Variants in RGS12 observed in about 807,000 individuals in gnomAD.
RGS12 encodes regulator of G protein signaling 12.
A neutral mutation model predicts 120.1 loss-of-function variants in RGS12; 66 were observed. The ratio of observed to expected loss-of-function variants is 0.55; its 90% CI spans 0.45 to 0.67. The LOEUF (loss-of-function observed/expected upper bound fraction) is 0.67, where lower values mean the gene tolerates loss of function less well. RGS12 is among the 30% of genes least tolerant of loss of function. The pLI is 0.00. For missense variants in RGS12, 1,859 were observed against 1,957.7 expected (o/e 0.95, Z 0.95); for synonymous variants, 827 against 804.7 (o/e 1.03, Z -0.47).
rs749583531 is a variant in RGS12 at position 3,316,249 on chromosome 4, C to CG, written c.84dup (p.Arg29GlufsTer41). 1 of 1,612,840 alleles carries CG rather than the reference C, an allele frequency of 6.2e-7. No homozygotes were observed. Among genetic ancestry groups the CG allele is most frequent in the Non-Finnish European group, 8.5e-7 (1 of 1,179,394 alleles). On this transcript the variant is annotated frameshift_variant, in exon 2 of 18. Coordinates refer to ENST00000336727, the MANE Select transcript of RGS12 (RefSeq NM_001394154.1). LOFTEE classifies it high-confidence loss of function. ...AAGGGTGCGGAGTGTGGAGGTTGCC[C>CG]GGGGGAGGGCCGGCTACGGATTCAC... is the stretch of plus-strand genomic sequence containing the variant.
At chr4:3,332,235 A>T (rs1578747724) in intron 2 of RGS12, among the ~76,000 whole-genome samples, 1 of 152,168 alleles carries the variant, frequency 6.6e-6, no homozygotes, top group East Asian at 1.9e-4. Context: ...ATCCCTGCAG[A>T]ACCGGAAGTG....
intron 2 of RGS12, among the ~76,000 whole-genome samples, chr4:3,319,276 C>T (rs545815251): frequency 2.2e-4 from 33 of 152,046 alleles, no homozygotes; most frequent in African/African-American, 7.5e-4. Context: ...GGTGACAGAG[C>T]GAGACTCTGG....
At chr4:3,307,531 G>T (rs1488141587) in intron 1 of RGS12, among the ~76,000 whole-genome samples, 1 of 152,232 alleles carries the variant, frequency 6.6e-6, no homozygotes, top group Non-Finnish European at 1.5e-5. Context: ...TAGAAAACAT[G>T]CACAGAAATA....
At chr4:3,406,485 C>A (rs968700472) in intron 4 of RGS12, among the ~76,000 whole-genome samples, 1 of 152,196 alleles carries the variant, frequency 6.6e-6, no homozygotes. Flanking sequence ...CAACAAACAG[C>A]GCCTTCAGCC....
At chr4:3,335,713 G>A (rs983335968) in intron 2 of RGS12, among the ~76,000 whole-genome samples, 10 of 152,150 alleles carry the variant, frequency 6.6e-5, no homozygotes, top group Non-Finnish European at 1.5e-4. Flanking sequence ...TGGGAGGCCA[G>A]GAATTGGAGG....
intron 1 of RGS12, among the ~76,000 whole-genome samples, chr4:3,299,122 C>A (rs1723534337): frequency 6.6e-6 from 1 of 152,052 alleles, no homozygotes; most frequent in African/African-American, 2.4e-5. Context: ...TGTCTGGACT[C>A]AAATGAAAAT....
chr4:3,431,511 C>G, intron 17 of RGS12: 1 of 986,882 alleles, frequency 1.0e-6, no homozygotes, highest in South Asian at 4.7e-5. Context: ...GAGGTGACGT[C>G]AGCAGCGCTC....
chr4:3,311,221 G>A (rs1213153107), intron 1 of RGS12, among the ~76,000 whole-genome samples: 2 of 152,212 alleles, frequency 1.3e-5, no homozygotes, highest in African/African-American at 2.4e-5. Context: ...CACGGGCAGT[G>A]CGGACGGGTG....
At chr4:3,386,307 C>T (rs1225702112) in intron 3 of RGS12, 109 bp from the exon 4 acceptor site, 4 of 1,092,436 alleles carry the variant, frequency 3.7e-6, no homozygotes, top group Middle Eastern at 2.0e-4. Context: ...GAGAGTGCCT[C>T]TGAGAACCTC....
chr4:3,395,026 AC>A (rs1719909992), intron 4 of RGS12, among the ~76,000 whole-genome samples: 1 of 151,874 alleles, frequency 6.6e-6, no homozygotes, highest in Non-Finnish European at 1.5e-5. Context: ...AAAAAACAAA[AC>A]AAAACAAAAA....
chr4:3,364,437 G>A (rs928280663), intron 3 of RGS12, among the ~76,000 whole-genome samples: 3 of 152,138 alleles, frequency 2.0e-5, no homozygotes, highest in Admixed American at 6.5e-5. Flanking sequence ...AGGTCGGGCC[G>A]CACTGTTCCT....
chr4:3,362,206 G>C (rs1489255563), intron 3 of RGS12, among the ~76,000 whole-genome samples: 5 of 152,106 alleles, frequency 3.3e-5, no homozygotes, highest in Admixed American at 2.0e-4. Flanking sequence ...GGGACATGGG[G>C]TGTGGGTGGG....
At chr4:3,361,965 A>G (rs1005967213) in intron 3 of RGS12, among the ~76,000 whole-genome samples, 1 of 152,144 alleles carries the variant, frequency 6.6e-6, no homozygotes, top group Non-Finnish European at 1.5e-5. Context: ...AATGCCCCCA[A>G]CCTGCCTGGG....
chr4:3,436,064 C>T (rs1170605505), intron 17 of RGS12, among the ~76,000 whole-genome samples: 1 of 152,220 alleles, frequency 6.6e-6, no homozygotes, highest in African/African-American at 2.4e-5. Context: ...AGCTCTATCC[C>T]AGCCCCAGCC....
At chr4:3,336,925 A>G (rs1449094917) in intron 2 of RGS12, among the ~76,000 whole-genome samples, 1 of 152,190 alleles carries the variant, frequency 6.6e-6, no homozygotes. Flanking sequence ...AATTCTGTGA[A>G]GTAGAAAAGA....
At chr4:3,329,442 G>A (rs1474630715) in intron 2 of RGS12, among the ~76,000 whole-genome samples, 3 of 152,136 alleles carry the variant, frequency 2.0e-5, no homozygotes, top group Non-Finnish European at 4.4e-5. Flanking sequence ...GACAGTAAAT[G>A]TGCTCATGGG....
rs144667272 is a variant in RGS12 at position 3,305,176 on chromosome 4, C to T, written c.-101-10894C>T. Reference sequence around the variant, plus strand: ...GAGAGGGAGTGAGGGAGAGCATGAGCGAGACGAAAGCCATGGTCTTTTGAA... The same window carrying T: ...GAGAGGGAGTGAGGGAGAGCATGAGTGAGACGAAAGCCATGGTCTTTTGAA... On this transcript the variant is annotated intron_variant, in intron 1 of 17. Coordinates refer to ENST00000336727, the MANE Select transcript of RGS12 (RefSeq NM_001394154.1). 1.8e-3 allele frequency among the ~76,000 whole-genome samples: 277 copies of T among 152,304 alleles called. 2 individuals carry two copies. Among genetic ancestry groups the T allele is most frequent in the African/African-American group, 6.1e-3 (254 of 41,554 alleles).
At chr4:3,318,396 C>T (rs886484827) in intron 2 of RGS12, among the ~76,000 whole-genome samples, 28 of 152,224 alleles carry the variant, frequency 1.8e-4, no homozygotes, top group African/African-American at 6.8e-4. Flanking sequence ...CTAGCTCTGT[C>T]CCTGTGGCTC....
intron 4 of RGS12, among the ~76,000 whole-genome samples, chr4:3,393,733 A>T (rs1719750105): frequency 6.6e-6 from 1 of 152,218 alleles, no homozygotes; most frequent in African/African-American, 2.4e-5. Flanking sequence ...CAGGAGGGGA[A>T]GGCCTGTCCC....
Sources: allele counts gnomAD v4.1 joint callset (sites outside exome capture counted in the v4.1 genomes callset), GRCh38; gene constraint gnomAD v4.1.1; transcripts MANE v1.5; gene names NCBI Gene and HGNC (gene_info 2026-07-23, HGNC 2026-07-21).